TULP4: variants seen among roughly 807,000 people sequenced by gnomAD.
The protein encoded by TULP4 is tubby-related protein 4.
A neutral mutation model predicts 129.0 loss-of-function variants in TULP4; 16 were observed. The ratio of observed to expected loss-of-function variants is 0.12; its 90% CI spans 0.08 to 0.19. The LOEUF (loss-of-function observed/expected upper bound fraction) is 0.19. TULP4 is among the 10% of genes least tolerant of loss of function. The pLI, the probability that TULP4 is intolerant of heterozygous loss-of-function variation, is 1.00. For synonymous variants in TULP4, 998 were observed against 854.0 expected (o/e 1.17, Z -2.94); for missense variants, 1,842 against 2,059.1 (o/e 0.89, Z 2.04).
intron 1 of TULP4, among the ~76,000 whole-genome samples, chr6:158,405,323 C>T (rs1777953735): frequency 6.6e-6 from 1 of 152,100 alleles, no homozygotes. Context: ...GTGACGAAGT[C>T]CAGCGGAGTC....
chr6:158,365,626 G>A (rs1159746950), intron 1 of TULP4, among the ~76,000 whole-genome samples: 26 of 151,142 alleles, frequency 1.7e-4, no homozygotes, highest in South Asian at 6.3e-4. Flanking sequence ...ACAGGTGCCC[G>A]CCACCATGCC....
chr6:158,498,691 G>A lies in TULP4; in HGVS notation c.1893G>A (p.Leu631=). 1 of 1,614,172 alleles carries A rather than the reference G, an allele frequency of 6.2e-7. No individual in the cohort carries two copies. The highest frequency in any genetic ancestry group is 8.5e-7 in the Non-Finnish European group (1 of 1,180,040). Residue 631 remains leucine, a synonymous_variant, in exon 12 of 14, where the codon CTG becomes CTA. Transcript: ENST00000367097. ...LGAVIYKTSL[L]HLQPRQMTIY... is the part of the protein sequence containing the mutation. ...CAGTAATCTATAAAACCAGCCTCCT[G>A]CATCTCCAGCCGCGGCAGATGACCA... is the stretch of plus-strand genomic sequence containing the variant.
intron 3 of TULP4, among the ~76,000 whole-genome samples, chr6:158,438,592 TTTGTTTGTTTGA>T (rs1317478947): frequency 1.1e-4 from 16 of 144,690 alleles, no homozygotes; most frequent in Non-Finnish European, 9.4e-5. Flanking sequence ...TGTTTGTTTG[TTTGTTTGTTTGA>T]GACAGAGTCT....
chr6:158,436,763 A>G (rs1023702972), intron 3 of TULP4, among the ~76,000 whole-genome samples: 12 of 152,240 alleles, frequency 7.9e-5, no homozygotes, highest in Non-Finnish European at 1.8e-4. Flanking sequence ...GCTGGTAAGT[A>G]TTAAATAGTC....
chr6:158,239,067 C>CCT (rs1389433166), intron 1 of TULP4, among the ~76,000 whole-genome samples: 2,049 of 105,616 alleles, frequency 0.019, 1 homozygote, highest in East Asian at 0.089. Flanking sequence ...CTGACCCCCC[C>CCT]ACCTCCCTCC....
Position 158,452,239 on chromosome 6 carries a change from C to T in TULP4, c.830C>T (p.Ser277Phe), listed in dbSNP as rs1419086687. ...TTAATGAACAACTACGATGACTTGTCTCCCACGGTCATCCGCTCAGGGCTG... is the reference window on the plus strand; with the variant it reads ...TTAATGAACAACTACGATGACTTGTTTCCCACGGTCATCCGCTCAGGGCTG... The part of the protein sequence containing the change: ...ISLMNNYDDL[S>F]PTVIRSGLKE... The change falls in exon 5 of 14, where the codon TCT becomes TTT. Residue 277 changes from serine to phenylalanine, a missense_variant. Transcript: ENST00000367097. The T allele has an allele frequency of 6.2e-7, 1 of 1,614,222 alleles. No individual in the cohort carries two copies. The highest frequency in any genetic ancestry group is 2.2e-5 in the East Asian group (1 of 44,896).
chr6:158,292,340 T>C (rs1437174447), intron 1 of TULP4, among the ~76,000 whole-genome samples: 2 of 152,234 alleles, frequency 1.3e-5, no homozygotes, highest in Non-Finnish European at 2.9e-5. Flanking sequence ...ACTGTGACTA[T>C]TGGTCACCCT....
At chr6:158,444,026 TG>T (rs1382381632) in intron 3 of TULP4, among the ~76,000 whole-genome samples, 9 of 151,836 alleles carry the variant, frequency 5.9e-5, no homozygotes, top group South Asian at 2.1e-4. Flanking sequence ...GAGACCATCC[TG>T]GCTAACACGG....
In TULP4 at chr6:158,317,934, C is replaced by G. The variant is rs528673576; in HGVS notation, c.252+3666C>G. ...TGATGATGAGCATTTTTTCATGTGT[C>G]TTTTGGCTGCATAAATGTCCCCTTT... is the stretch of plus-strand genomic sequence containing the variant. On this transcript the variant is annotated intron_variant, in intron 1 of 13. Transcript: ENST00000367097. Among the ~76,000 whole-genome samples the G allele has an allele frequency of 3.3e-5, 5 of 152,246 alleles. No individual in the cohort carries two copies. In the South Asian group the frequency reaches 1.0e-3, roughly 32 times the overall value.
intron 1 of TULP4, among the ~76,000 whole-genome samples, chr6:158,382,160 T>C (rs1777342733): frequency 6.6e-6 from 1 of 152,146 alleles, no homozygotes; most frequent in Non-Finnish European, 1.5e-5. Flanking sequence ...AAACTAACTG[T>C]CATGAGTAAA....
chr6:158,329,760 A>G lies in TULP4; in HGVS notation c.252+15492A>G, dbSNP rs566229694. Among the ~76,000 whole-genome samples the G allele has an allele frequency of 5.3e-5, 8 of 152,260 alleles. No individual in the cohort carries two copies. In the South Asian group the frequency reaches 1.2e-3, roughly 24 times the overall value. Reference sequence around the variant, plus strand: ...TTAGGGAATCACTTAAACATGACCAAAGAGCTTTTGCTTGTCTCCTAGGCC... The same window carrying G: ...TTAGGGAATCACTTAAACATGACCAGAGAGCTTTTGCTTGTCTCCTAGGCC... On this transcript the variant is annotated intron_variant, in intron 1 of 13. Coordinates refer to ENST00000367097, the MANE Select transcript of TULP4 (RefSeq NM_020245.5).
chr6:158,298,432 C>T (rs75569796), intron 1 of TULP4, among the ~76,000 whole-genome samples: 23,004 of 152,028 alleles, frequency 0.15, 2,414 homozygotes, highest in East Asian at 0.43. Context: ...CAGCTCCAGC[C>T]GGTCCCTCCG....
chr6:158,399,734 T>G (rs1777800623), intron 1 of TULP4, among the ~76,000 whole-genome samples: 1 of 152,222 alleles, frequency 6.6e-6, no homozygotes, highest in Non-Finnish European at 1.5e-5. Context: ...AACCTCTCTA[T>G]TTGTGGGTGA....
chr6:158,425,059 C>A (rs1318613321), intron 2 of TULP4, among the ~76,000 whole-genome samples: 1 of 138,912 alleles, frequency 7.2e-6, no homozygotes, highest in African/African-American at 2.7e-5. Flanking sequence ...GAGGCTGAGG[C>A]AGGAGAATTG....
intron 1 of TULP4, among the ~76,000 whole-genome samples, chr6:158,292,827 G>T (rs551193961): frequency 5.9e-5 from 9 of 152,188 alleles, no homozygotes; most frequent in Admixed American, 2.0e-4. Context: ...AAAAGGTTTT[G>T]CAGCATTTTA....
At chr6:158,432,614 G>A (rs1437024593) in intron 3 of TULP4, among the ~76,000 whole-genome samples, 1 of 152,190 alleles carries the variant, frequency 6.6e-6, no homozygotes, top group East Asian at 1.9e-4. Flanking sequence ...TGTAATCCCA[G>A]CACTTTGGGA....
intron 1 of TULP4, among the ~76,000 whole-genome samples, chr6:158,399,681 T>TA (rs781169177): frequency 3.0e-4 from 37 of 121,730 alleles, no homozygotes; most frequent in Non-Finnish European, 2.8e-4. Flanking sequence ...TAACGCTTAT[T>TA]GAATCTTTCT....
At chr6:158,374,833 GT>G (rs1777150278) in intron 1 of TULP4, among the ~76,000 whole-genome samples, 2 of 152,288 alleles carry the variant, frequency 1.3e-5, no homozygotes, top group South Asian at 4.1e-4. Context: ...GGTTTGAAAT[GT>G]AACATTTTTC....
At chr6:158,251,150 C>T (rs137896945) in intron 1 of TULP4, among the ~76,000 whole-genome samples, 3 of 152,144 alleles carry the variant, frequency 2.0e-5, no homozygotes, top group African/African-American at 2.4e-5. Context: ...ATTTTGTGTC[C>T]GCCTGGCCTT....
Sources: allele counts gnomAD v4.1 joint callset (sites outside exome capture counted in the v4.1 genomes callset), GRCh38; gene constraint gnomAD v4.1.1; transcripts MANE v1.5; gene names NCBI Gene and HGNC (gene_info 2026-07-23, HGNC 2026-07-21).